The following DPP10 variants were observed in gnomAD, a reference collection of about 807,000 sequenced individuals.
The protein encoded by DPP10 is dipeptidyl peptidase like 10.
DPP10 carries 33 observed loss-of-function variants against 120.9 expected under a neutral mutation model. The ratio of observed to expected loss-of-function variants is 0.27; its 90% CI spans 0.21 to 0.37. The LOEUF (loss-of-function observed/expected upper bound fraction) is 0.37. Ranked by LOEUF, DPP10 falls within the 10% of genes least tolerant of loss-of-function variation. The probability of loss-of-function intolerance (pLI) is 1.00; values close to 1 mark genes in which losing one functional copy is unlikely to be tolerated. For missense variants in DPP10, 816 were observed against 942.8 expected (o/e 0.87, Z 1.76); for synonymous variants, 337 against 326.1 (o/e 1.03, Z -0.36).
intron 1 of DPP10, among the ~76,000 whole-genome samples, chr2:114,921,266 G>C (rs1695177642): frequency 1.3e-5 from 2 of 152,230 alleles, no homozygotes; most frequent in African/African-American, 4.8e-5. Context: ...AGGTATTTTG[G>C]CCTATTTGTC....
intron 13 of DPP10, among the ~76,000 whole-genome samples, chr2:115,771,056 G>GTATT (rs5833633): frequency 0.029 from 4,393 of 149,182 alleles, 104 homozygotes; most frequent in Non-Finnish European, 0.034. Flanking sequence ...ATACTGTACT[G>GTATT]TATTTATTTA....
chr2:115,194,193 T>G (rs1329098265), intron 1 of DPP10, among the ~76,000 whole-genome samples: 2 of 151,958 alleles, frequency 1.3e-5, no homozygotes, highest in Non-Finnish European at 2.9e-5. Flanking sequence ...TGAATGCATT[T>G]GGGCCATCTG....
intron 5 of DPP10, among the ~76,000 whole-genome samples, chr2:115,542,867 G>A (rs137997200): frequency 5.6e-4 from 85 of 151,818 alleles, no homozygotes; most frequent in Non-Finnish European, 9.0e-4. Flanking sequence ...CCTTCCCTAC[G>A]TGTGTAGCAA....
chr2:114,759,843 C>G (rs1275209122), intron 1 of DPP10, among the ~76,000 whole-genome samples: 1 of 151,874 alleles, frequency 6.6e-6, no homozygotes, highest in Admixed American at 6.6e-5. Flanking sequence ...AAGATGATGT[C>G]CAAGTGCCAG....
intron 7 of DPP10, among the ~76,000 whole-genome samples, chr2:115,716,863 T>C (rs2149594243): frequency 6.6e-6 from 1 of 152,326 alleles, no homozygotes; most frequent in East Asian, 1.9e-4. Flanking sequence ...TCAGTTTGTT[T>C]TCTTATCAGC....
chr2:115,669,830 G>T (rs1051549496), intron 5 of DPP10, among the ~76,000 whole-genome samples: 8 of 152,126 alleles, frequency 5.3e-5, no homozygotes, highest in Non-Finnish European at 1.0e-4. Context: ...AGAAGAGCCA[G>T]ATTCCTTCTA....
At chr2:115,817,414 G>T (rs1687364383) in intron 21 of DPP10, among the ~76,000 whole-genome samples, 1 of 152,024 alleles carries the variant, frequency 6.6e-6, no homozygotes, top group Non-Finnish European at 1.5e-5. Context: ...GTTTAATTGG[G>T]GCGTAAATTT....
intron 13 of DPP10, among the ~76,000 whole-genome samples, chr2:115,773,757 G>A (rs1681754420): frequency 6.6e-6 from 1 of 152,036 alleles, no homozygotes; most frequent in South Asian, 2.1e-4. Context: ...ACATCCCCTT[G>A]TGAAATCTGC....
At chr2:114,793,327 G>T (rs532377148) in intron 1 of DPP10, among the ~76,000 whole-genome samples, 1 of 151,902 alleles carries the variant, frequency 6.6e-6, no homozygotes, top group Non-Finnish European at 1.5e-5. Context: ...GCCCCAGTGC[G>T]TGATGTTCCC....
chr2:115,569,727 G>C (rs1168285307), intron 5 of DPP10, among the ~76,000 whole-genome samples: 1 of 152,158 alleles, frequency 6.6e-6, no homozygotes, highest in Non-Finnish European at 1.5e-5. Context: ...CACAGCCACA[G>C]CCATGTGCAT....
chr2:115,532,303 C>T (rs2078517802), intron 5 of DPP10, among the ~76,000 whole-genome samples: 1 of 151,984 alleles, frequency 6.6e-6, no homozygotes, highest in East Asian at 1.9e-4. Flanking sequence ...AACTAACTTC[C>T]TCAAGGGCCC....
At chr2:114,871,328 G>C (rs1183753531) in intron 1 of DPP10, among the ~76,000 whole-genome samples, 1 of 152,112 alleles carries the variant, frequency 6.6e-6, no homozygotes, top group Non-Finnish European at 1.5e-5. Context: ...TAAAAAATTT[G>C]AATACTTTCT....
At chr2:114,716,003 A>G (rs1701323335) in intron 1 of DPP10, among the ~76,000 whole-genome samples, 1 of 152,024 alleles carries the variant, frequency 6.6e-6, no homozygotes, top group African/African-American at 2.4e-5. Context: ...AAACACATCA[A>G]AAATAGTGTG....
At chr2:114,971,703 G>A (rs988578488) in intron 1 of DPP10, among the ~76,000 whole-genome samples, 1 of 150,534 alleles carries the variant, frequency 6.6e-6, no homozygotes, top group Non-Finnish European at 1.5e-5. Flanking sequence ...AGGGGGGCAA[G>A]GGATATTAAA....
intron 1 of DPP10, among the ~76,000 whole-genome samples, chr2:114,997,885 G>A (rs1162309009): frequency 2.0e-5 from 3 of 152,152 alleles, no homozygotes; most frequent in Admixed American, 6.5e-5. Context: ...GAATAGGACC[G>A]TCATCTAAAG....
chr2:114,905,634 C>G (rs1693904403), intron 1 of DPP10, among the ~76,000 whole-genome samples: 1 of 152,186 alleles, frequency 6.6e-6, no homozygotes, highest in South Asian at 2.1e-4. Flanking sequence ...TTCTCCCACC[C>G]TGCACCCTCC....
At chr2:115,698,445 C>T (rs2091712537) in intron 7 of DPP10, among the ~76,000 whole-genome samples, 1 of 152,144 alleles carries the variant, frequency 6.6e-6, no homozygotes, top group Admixed American at 6.5e-5. Context: ...CCCTAACCTC[C>T]AATGAGACTT....
In DPP10 at chr2:115,753,431, C is replaced by A. The variant is rs181786610; in HGVS notation, c.1074+134C>A. 3.9e-3 allele frequency: 3,115 copies of A among 798,596 alleles called. 4 individuals carry two copies. The highest frequency in any genetic ancestry group is 5.3e-3 in the Admixed American group (150 of 28,454). The allele number at this position is 798,596 out of a possible 1,614,324, so 49.5% of individuals were successfully genotyped here. A position where few individuals can be genotyped will look rare whatever the true frequency, so the allele number is the denominator to read the frequency against. On this transcript the variant is annotated intron_variant, in intron 11 of 25. Coordinates refer to ENST00000410059, the MANE Select transcript of DPP10 (RefSeq NM_020868.6). ...TAAAACTAATAGGAAAAGAATTATT[C>A]TATTAAGAATATATACTTTAATTTA...
chr2:114,803,005 C>A (rs1350449916), intron 1 of DPP10, among the ~76,000 whole-genome samples: 11 of 152,194 alleles, frequency 7.2e-5, no homozygotes, highest in Non-Finnish European at 4.4e-5. Context: ...TGTCCCCACC[C>A]AAATCTCAAC....
Sources: allele counts gnomAD v4.1 joint callset (sites outside exome capture counted in the v4.1 genomes callset), GRCh38; gene constraint gnomAD v4.1.1; transcripts MANE v1.5; gene names NCBI Gene and HGNC (gene_info 2026-07-23, HGNC 2026-07-21).